The following SEMA3E variants were observed in gnomAD, a reference collection of about 807,000 sequenced individuals.
SEMA3E encodes semaphorin 3E, also known as semaphorin-3E.
In SEMA3E, 49 loss-of-function variants were observed where a neutral mutation model predicts 93.6. The observed-to-expected ratio is 0.52, with a 90% CI of 0.42 to 0.66. The LOEUF (loss-of-function observed/expected upper bound fraction) is 0.66. SEMA3E is among the 30% of genes least tolerant of loss of function. The probability of loss-of-function intolerance (pLI) is 0.00; values close to 1 mark genes in which losing one functional copy is unlikely to be tolerated. For missense variants in SEMA3E, 906 were observed against 964.8 expected (o/e 0.94, Z 0.81); for synonymous variants, 363 against 330.7 (o/e 1.10, Z -1.06).
At chr7:83,560,343 A>G (rs1253924881) in intron 1 of SEMA3E, among the ~76,000 whole-genome samples, 4 of 152,064 alleles carry the variant, frequency 2.6e-5, no homozygotes, top group South Asian at 4.1e-4. Flanking sequence ...AGAAATCTCC[A>G]TATCTTCCTC....
At chr7:83,390,371 CTA>C (rs1479249526) in intron 14 of SEMA3E, among the ~76,000 whole-genome samples, 4 of 151,862 alleles carry the variant, frequency 2.6e-5, no homozygotes, top group Admixed American at 2.6e-4. Context: ...TCTTATATCT[CTA>C]GTCTTTTAGA....
intron 14 of SEMA3E, among the ~76,000 whole-genome samples, chr7:83,388,821 T>TTTG (rs3042519): frequency 2.0e-5 from 3 of 151,468 alleles, no homozygotes; most frequent in Non-Finnish European, 2.9e-5. Context: ...TTTTTTTTTT[T>TTTG]TCATTCTAGG....
chr7:83,596,644 T>G (rs1562848261), intron 1 of SEMA3E, among the ~76,000 whole-genome samples: 1 of 152,052 alleles, frequency 6.6e-6, no homozygotes, highest in Non-Finnish European at 1.5e-5. Flanking sequence ...TCCAATACCT[T>G]AGCAGATGTT....
chr7:83,449,625 A>C (rs181092887), intron 4 of SEMA3E, among the ~76,000 whole-genome samples: 1 of 152,232 alleles, frequency 6.6e-6, no homozygotes, highest in Non-Finnish European at 1.5e-5. Flanking sequence ...CTCACACACT[A>C]ATGAGAACTA....
At chr7:83,412,761 T>A (rs1401273537) in intron 5 of SEMA3E, among the ~76,000 whole-genome samples, 52 of 143,642 alleles carry the variant, frequency 3.6e-4, no homozygotes, top group African/African-American at 1.3e-3. Flanking sequence ...TAAAAAAAGA[T>A]AAAAAAAAAA....
intron 4 of SEMA3E, among the ~76,000 whole-genome samples, chr7:83,426,232 C>T (rs1282275477): frequency 6.6e-6 from 1 of 152,064 alleles, no homozygotes; most frequent in Non-Finnish European, 1.5e-5. Context: ...TAGGTATATG[C>T]CCAAAGGAAA....
At chr7:83,558,875 A>G (rs751285353) in intron 1 of SEMA3E, among the ~76,000 whole-genome samples, 1 of 152,124 alleles carries the variant, frequency 6.6e-6, no homozygotes, top group Non-Finnish European at 1.5e-5. Context: ...TAAATCAAAT[A>G]TAAGATTTAA....
intron 1 of SEMA3E, among the ~76,000 whole-genome samples, chr7:83,573,667 C>T (rs987694503): frequency 6.6e-6 from 1 of 151,966 alleles, no homozygotes; most frequent in African/African-American, 2.4e-5. Context: ...TTTCAGATTA[C>T]TTAATATCTA....
rs1485912691 is a variant in SEMA3E at position 83,370,724 on chromosome 7, C to T, written c.1876-2686G>A. 2.0e-5 allele frequency among the ~76,000 whole-genome samples: 3 copies of T among 152,144 alleles called. No individual in the cohort carries two copies. The East Asian group carries it at 5.8e-4, about 29-fold the overall frequency. ...ACACCCTGTAAAAGTGTCCTCCCTC[C>T]TTTATTACCTTCGTTTCGCCTGTTA... On this transcript the variant is annotated intron_variant, in intron 16 of 16. Coordinates refer to ENST00000643230, the MANE Select transcript of SEMA3E (RefSeq NM_012431.3).
At chr7:83,570,275 C>T (rs910884107) in intron 1 of SEMA3E, among the ~76,000 whole-genome samples, 9 of 151,984 alleles carry the variant, frequency 5.9e-5, no homozygotes, top group Non-Finnish European at 1.3e-4. Context: ...AGTTAGAGGC[C>T]GGGCGCGGTG....
At chr7:83,585,175 G>A (rs1792598947) in intron 1 of SEMA3E, among the ~76,000 whole-genome samples, 1 of 152,134 alleles carries the variant, frequency 6.6e-6, no homozygotes, top group African/African-American at 2.4e-5. Context: ...CTCTGCAACA[G>A]TATCCCATTT....
intron 1 of SEMA3E, among the ~76,000 whole-genome samples, chr7:83,591,173 G>A (rs370633809): frequency 2.7e-5 from 4 of 149,056 alleles, no homozygotes; most frequent in South Asian, 4.2e-4. Context: ...TTTTACTGCC[G>A]ATAGAAATAC....
chr7:83,644,245 A>G (rs1232540133), intron 1 of SEMA3E, among the ~76,000 whole-genome samples: 2 of 151,914 alleles, frequency 1.3e-5, no homozygotes, highest in South Asian at 4.1e-4. Context: ...TTCACATACA[A>G]TGTAATCATC....
At chr7:83,382,027 C>T (rs1444010219) in intron 16 of SEMA3E, among the ~76,000 whole-genome samples, 1 of 151,924 alleles carries the variant, frequency 6.6e-6, no homozygotes, top group Admixed American at 6.6e-5. Flanking sequence ...AAAGAAAAAT[C>T]TATATAAGGA....
intron 1 of SEMA3E, among the ~76,000 whole-genome samples, chr7:83,637,030 G>T (rs1793894751): frequency 7.2e-6 from 1 of 138,756 alleles, no homozygotes; most frequent in Non-Finnish European, 1.6e-5. Flanking sequence ...GAGAGTGTGT[G>T]TGTGTGTGTA....
At chr7:83,608,169 T>C (rs1793167533) in intron 1 of SEMA3E, among the ~76,000 whole-genome samples, 1 of 151,688 alleles carries the variant, frequency 6.6e-6, no homozygotes, top group African/African-American at 2.4e-5. Context: ...GCCAAGATCA[T>C]GCCATTGCAC....
At chr7:83,605,317 C>T (rs534857037) in intron 1 of SEMA3E, among the ~76,000 whole-genome samples, 18 of 152,234 alleles carry the variant, frequency 1.2e-4, no homozygotes, top group Non-Finnish European at 1.9e-4. Context: ...TTTTAATAAT[C>T]ACCATTCTGA....
intron 5 of SEMA3E, among the ~76,000 whole-genome samples, chr7:83,410,376 G>C (rs1210383034): frequency 6.6e-6 from 1 of 151,886 alleles, no homozygotes; most frequent in Non-Finnish European, 1.5e-5. Flanking sequence ...AGTTCTTCTA[G>C]TATATTCAAC....
intron 1 of SEMA3E, among the ~76,000 whole-genome samples, chr7:83,498,749 G>A (rs931200960): frequency 2.0e-5 from 3 of 152,116 alleles, no homozygotes; most frequent in Non-Finnish European, 4.4e-5. Flanking sequence ...AAAGTCGTGG[G>A]ATTACAGGTG....
Sources: allele counts gnomAD v4.1 joint callset (sites outside exome capture counted in the v4.1 genomes callset), GRCh38; gene constraint gnomAD v4.1.1; transcripts MANE v1.5; gene names NCBI Gene and HGNC (gene_info 2026-07-23, HGNC 2026-07-21).